Variants in KIF13B observed in about 807,000 individuals in gnomAD.
KIF13B encodes kinesin-like protein KIF13B.
A neutral mutation model predicts 222.0 loss-of-function variants in KIF13B; 127 were observed. That is an observed-to-expected ratio of 0.57 (90% CI 0.50 to 0.66). KIF13B has a LOEUF of 0.66. KIF13B is among the 30% of genes least tolerant of loss of function. The probability of loss-of-function intolerance (pLI) is 0.00; values close to 1 mark genes in which losing one functional copy is unlikely to be tolerated. For synonymous variants in KIF13B, 976 were observed against 919.0 expected (o/e 1.06, Z -1.12); for missense variants, 2,173 against 2,379.0 (o/e 0.91, Z 1.80).
At chr8:29,222,263 T>C (rs893598480) in intron 2 of KIF13B, among the ~76,000 whole-genome samples, 24 of 152,170 alleles carry the variant, frequency 1.6e-4, no homozygotes, top group African/African-American at 5.1e-4. Flanking sequence ...AAGCAAGAGA[T>C]TGCTTGAGCC....
At chr8:29,223,668 C>G (rs1488160568) in intron 2 of KIF13B, among the ~76,000 whole-genome samples, 3 of 152,112 alleles carry the variant, frequency 2.0e-5, no homozygotes, top group Non-Finnish European at 4.4e-5. Flanking sequence ...AGTAATCCAA[C>G]TCTGGTATAT....
At position 29,167,426 on chromosome 8, in the gene KIF13B, G is replaced by C; in HGVS notation, c.1105C>G (p.Arg369Gly). The change falls in exon 11 of 40, where the codon CGG becomes GGG. Residue 369 changes from arginine (R) to glycine (G), a missense_variant. Physicochemically the swap from Arg to Gly is moderately radical, Grantham distance 125. Around this residue, in one of 2 missense-constraint regions of KIF13B, gnomAD observed 1,480 missense variants for 1,722.8 expected, o/e 0.86. Coordinates refer to ENST00000524189, the MANE Select transcript of KIF13B (RefSeq NM_015254.4). ...TTCTCAACTTCTTCCCGGAGATCCC[G>C]GATAATTCGGGCATTAGGGTCCTCA... ...VNEDPNARIIRDLREEVEKLR... is the reference protein window; with the variant it reads ...VNEDPNARIIGDLREEVEKLR... The C allele has an allele frequency of 6.2e-7, 1 of 1,613,732 alleles. No individual in the cohort carries two copies. Among genetic ancestry groups the C allele is most frequent in the Non-Finnish European group, 8.5e-7 (1 of 1,179,864 alleles).
chr8:29,107,217 T>A (rs991834833), intron 35 of KIF13B, among the ~76,000 whole-genome samples: 2 of 152,150 alleles, frequency 1.3e-5, no homozygotes, highest in African/African-American at 4.8e-5. Context: ...TCATTATACA[T>A]CAGTACTTCT....
intron 34 of KIF13B, 83 bp from the exon 35 acceptor site, chr8:29,108,275 A>C: frequency 7.5e-7 from 1 of 1,341,936 alleles, no homozygotes; most frequent in Non-Finnish European, 1.0e-6. Flanking sequence ...TTGCCAACCC[A>C]GTCAACCGAA....
chr8:29,099,522 A>G (rs1391472271), intron 35 of KIF13B, among the ~76,000 whole-genome samples: 2 of 152,126 alleles, frequency 1.3e-5, no homozygotes, highest in Non-Finnish European at 1.5e-5. Context: ...CTGCAGCTAC[A>G]TGCCACCACA....
rs1812465567 is a variant in KIF13B at position 29,176,074 on chromosome 8, C to T, written c.939G>A (p.Leu313=). ...GGAAAAAAAACAAACTTACTTTGAG[C>T]AGCCAAGTGAGAACTGAGTCACGAT... The part of the protein sequence containing the change: ...VPYRDSVLTW[L]LKDSLGGNSK... Residue 313 remains leucine, a synonymous_variant, in exon 10 of 40, where the codon CTG becomes CTA. Transcript: ENST00000524189. 6.2e-7 allele frequency: 1 copy of T among 1,602,590 alleles called. No individual in the cohort carries two copies. Among genetic ancestry groups the T allele is most frequent in the Non-Finnish European group, 8.5e-7 (1 of 1,170,536 alleles).
chr8:29,070,906 G>A lies in KIF13B; in HGVS notation c.5219-140C>T, dbSNP rs949097149. 2.1e-6 allele frequency: 2 copies of A among 944,270 alleles called. No homozygotes were observed. The highest frequency in any genetic ancestry group is 2.7e-5 in the Admixed American group (1 of 36,660). 58.5% of individuals were successfully genotyped at this position (944,270 alleles called of 1,614,324 possible). ...CTACACAGCCAGCACTCGGACACTGGCCATTGTCTGGCAGGGACTGGCTAA... is the reference window on the plus strand; with the variant it reads ...CTACACAGCCAGCACTCGGACACTGACCATTGTCTGGCAGGGACTGGCTAA... On this transcript the variant is annotated intron_variant, in intron 39 of 39. Coordinates refer to ENST00000524189, the MANE Select transcript of KIF13B (RefSeq NM_015254.4). This position sits in a 1 kb window ranked among gnomAD's most constrained non-coding sequence, Gnocchi z 4.1.
intron 12 of KIF13B, among the ~76,000 whole-genome samples, chr8:29,164,578 T>C (rs1811910825): frequency 6.6e-6 from 1 of 152,170 alleles, no homozygotes; most frequent in South Asian, 2.1e-4. Context: ...CACTTAACGC[T>C]CTTAGCTACA....
intron 10 of KIF13B, among the ~76,000 whole-genome samples, chr8:29,168,186 C>T (rs1237646865): frequency 6.6e-6 from 1 of 152,236 alleles, no homozygotes; most frequent in African/African-American, 2.4e-5. Flanking sequence ...ATTGCAAGTT[C>T]TACAGAAGCA....
chr8:29,222,513 GACTTTTTTTTTTTTTT>G (rs1814799943), intron 2 of KIF13B, among the ~76,000 whole-genome samples: 2 of 95,760 alleles, frequency 2.1e-5, no homozygotes, highest in Admixed American at 1.3e-4. Flanking sequence ...TCCCACACCT[GACTTTTTTTTTTTTTT>G]TTTTTTTTTT....
intron 8 of KIF13B, among the ~76,000 whole-genome samples, chr8:29,178,233 T>C (rs1434108065): frequency 6.6e-6 from 1 of 152,124 alleles, no homozygotes; most frequent in Admixed American, 6.5e-5. Context: ...TAAAATTTCA[T>C]GGATATTTAT....
intron 14 of KIF13B, among the ~76,000 whole-genome samples, chr8:29,152,045 C>T (rs1811321659): frequency 6.6e-6 from 1 of 152,158 alleles, no homozygotes; most frequent in African/African-American, 2.4e-5. Flanking sequence ...GTCCAATCAT[C>T]ATGGATGCCT....
chr8:29,156,641 T>C (rs1278379778), intron 13 of KIF13B, among the ~76,000 whole-genome samples: 1 of 151,840 alleles, frequency 6.6e-6, no homozygotes, highest in Non-Finnish European at 1.5e-5. Context: ...AGCCTCTGAG[T>C]AGCTGAGATC....
Position 29,072,065 on chromosome 8 carries a change from C to A in KIF13B, c.4773G>T (p.Pro1591=), listed in dbSNP as rs1455508826. 7.6e-7 allele frequency: 1 copy of A among 1,307,964 alleles called. No homozygotes were observed. The allele number at this position is 1,307,964 out of a possible 1,614,324, so 81.0% of individuals were successfully genotyped here. The change falls in exon 39 of 40, where the codon CCG becomes CCT. Residue 1591 remains proline (P), a synonymous_variant. Transcript: ENST00000524189. ...CAGGGGCGGTGGGCATGGACCCCGG[C>A]GGGGCCGCAGCGTCCAGGCCGGGGC... is the stretch of plus-strand genomic sequence containing the variant. ...ALGPGLDAAA[P]PGSMPTAPEA...
intron 2 of KIF13B, among the ~76,000 whole-genome samples, chr8:29,200,267 A>G (rs1813634018): frequency 6.6e-6 from 1 of 152,220 alleles, no homozygotes. Context: ...ACACCTTGTC[A>G]AAGTGTAGCT....
chr8:29,132,193 C>A, intron 23 of KIF13B, 115 bp downstream of exon 23: 1 of 710,058 alleles, frequency 1.4e-6, no homozygotes, highest in Admixed American at 3.3e-5. Context: ...CTGCAGTGAG[C>A]CAAGATCGTG....
intron 37 of KIF13B, among the ~76,000 whole-genome samples, chr8:29,086,511 C>A (rs969083828): frequency 6.6e-6 from 1 of 152,098 alleles, no homozygotes; most frequent in Admixed American, 6.5e-5. Context: ...ATAAGCAAGA[C>A]CTGGTCTCAA....
intron 1 of KIF13B, among the ~76,000 whole-genome samples, chr8:29,260,195 C>A (rs560526650): frequency 1.3e-5 from 2 of 152,284 alleles, no homozygotes; most frequent in East Asian, 3.9e-4. Context: ...ACTCTCACTT[C>A]GAGGATAACT....
chr8:29,189,266 T>A (rs1813072205), intron 4 of KIF13B: 1 of 151,988 alleles, frequency 6.6e-6, no homozygotes, highest in African/African-American at 2.4e-5. Flanking sequence ...GGCAAGGGTA[T>A]TCCATTATGT....
Sources: gnomAD v4.1 joint callset for allele counts (sites outside exome capture counted in the v4.1 genomes callset) on GRCh38, gnomAD v4.1.1 for gene constraint, gnomAD v4.1.1 regional missense constraint, Gnocchi (gnomAD v3.1) non-coding constraint, MANE v1.5 for transcripts, NCBI Gene and HGNC (gene_info 2026-07-23, HGNC 2026-07-21) for gene names.